FGF14: variants seen among roughly 807,000 people sequenced by gnomAD.
FGF14 encodes the protein fibroblast growth factor homologous factor 4.
Under a neutral mutation model 25.5 loss-of-function variants are expected in FGF14, and 5 were observed. The observed-to-expected ratio is 0.20, with a 90% CI of 0.10 to 0.41. The LOEUF is 0.41. Among genes scored for constraint, FGF14 ranks in the 10% least tolerant of loss-of-function variants. FGF14 has a pLI of 1.00. For missense variants in FGF14, 222 were observed against 320.1 expected, an observed-to-expected ratio of 0.69 and a Z score of 2.34; for synonymous variants, 138 against 118.3, an observed-to-expected ratio of 1.17 and a Z score of -1.08.
chr13:102,226,355 G>C (rs2050824606), intron 1 of FGF14, among the ~76,000 whole-genome samples: 1 of 152,246 alleles, frequency 6.6e-6, no homozygotes, highest in East Asian at 1.9e-4. Flanking sequence ...CAGGAACAAA[G>C]AAAGAGCTCC....
At chr13:102,173,122 C>A (rs1270627135) in intron 1 of FGF14, among the ~76,000 whole-genome samples, 1 of 152,076 alleles carries the variant, frequency 6.6e-6, no homozygotes, top group Non-Finnish European at 1.5e-5. Context: ...ATATTAACAA[C>A]TTCTACAATT....
intron 1 of FGF14, among the ~76,000 whole-genome samples, chr13:102,108,228 C>A (rs1488237329): frequency 6.6e-6 from 1 of 152,124 alleles, no homozygotes; most frequent in Non-Finnish European, 1.5e-5. Flanking sequence ...AAAATCAGTA[C>A]AATTTTTAAA....
intron 1 of FGF14, among the ~76,000 whole-genome samples, chr13:101,947,777 ATCAT>A (rs1447246200): frequency 6.6e-6 from 1 of 152,214 alleles, no homozygotes; most frequent in Non-Finnish European, 1.5e-5. Flanking sequence ...AAACCTCAGC[ATCAT>A]TCAATGTACT....
chr13:101,980,881 A>G (rs2038206739), intron 1 of FGF14, among the ~76,000 whole-genome samples: 1 of 152,180 alleles, frequency 6.6e-6, no homozygotes, highest in Non-Finnish European at 1.5e-5. Flanking sequence ...CCAATGTGAT[A>G]GTATTAGGAG....
chr13:102,293,773 A>G (rs1165592680), intron 1 of FGF14: 1 of 152,218 alleles, frequency 6.6e-6, no homozygotes, highest in Non-Finnish European at 1.5e-5. Context: ...CTGTATAATA[A>G]GCAAAGAAGA....
chr13:102,096,582 G>T (rs961322423), intron 1 of FGF14, among the ~76,000 whole-genome samples: 4 of 152,154 alleles, frequency 2.6e-5, no homozygotes, highest in African/African-American at 9.7e-5. Flanking sequence ...TAACAACCAA[G>T]AAAGGCGATT....
At chr13:101,967,350 T>C (rs1008600197) in intron 1 of FGF14, among the ~76,000 whole-genome samples, 6 of 152,266 alleles carry the variant, frequency 3.9e-5, no homozygotes, top group African/African-American at 1.4e-4. Context: ...CTATGTTTAC[T>C]TGACTGTTTT....
rs191953314 is a variant in FGF14, at chr13:101,934,357, A to G, written c.209-59061T>C. On this transcript the variant is annotated intron_variant, in intron 1 of 4. Transcript: ENST00000376131. ...CATTATGTTGAGCAGTTAAGAAGCC[A>G]GACACAAAAGAGCACAATCGTGATT... Among the ~76,000 whole-genome samples, 475 of 152,352 alleles carry G rather than the reference A, an allele frequency of 3.1e-3. 2 individuals are homozygous for G. Among genetic ancestry groups the G allele is most frequent in the African/African-American group, 0.011 (439 of 41,584 alleles).
At chr13:101,852,642 A>T (rs775908835) in intron 3 of FGF14, among the ~76,000 whole-genome samples, 12 of 152,150 alleles carry the variant, frequency 7.9e-5, no homozygotes, top group Non-Finnish European at 1.6e-4. Context: ...CAGGACAGAA[A>T]ATCAGGACTC....
chr13:101,792,999 GACATTTTCTTGCAACAAAA>G (rs1269328082), intron 3 of FGF14, among the ~76,000 whole-genome samples: 6 of 151,942 alleles, frequency 3.9e-5, no homozygotes, highest in Non-Finnish European at 7.4e-5. Context: ...TCAAATATTT[GACATTTTCTTGCAACAAAA>G]ACATTTCAGA....
chr13:102,363,417 A>C (rs2139051604), intron 1 of FGF14, among the ~76,000 whole-genome samples: 1 of 152,324 alleles, frequency 6.6e-6, no homozygotes, highest in Middle Eastern at 3.4e-3. Flanking sequence ...CACATGGTCA[A>C]CTGGGAAATC....
chr13:101,834,122 G>C (rs1465738757), intron 3 of FGF14, among the ~76,000 whole-genome samples: 1 of 152,056 alleles, frequency 6.6e-6, no homozygotes, highest in Non-Finnish European at 1.5e-5. Flanking sequence ...TGTAGAACTT[G>C]AACTGAAATG....
chr13:101,910,838 G>A (rs1343998650), intron 1 of FGF14, among the ~76,000 whole-genome samples: 1 of 1,160 alleles, frequency 8.6e-4, no homozygotes, highest in Non-Finnish European at 1.4e-3. Flanking sequence ...ATTTGGATTC[G>A]TGTGTGTGTG....
intron 1 of FGF14, among the ~76,000 whole-genome samples, chr13:101,934,225 T>A (rs1471026138): frequency 6.6e-6 from 1 of 152,230 alleles, no homozygotes; most frequent in Non-Finnish European, 1.5e-5. Flanking sequence ...CCAAATGTCA[T>A]CTGTAGAATG....
intron 1 of FGF14, among the ~76,000 whole-genome samples, chr13:102,242,982 G>A (rs2051678297): frequency 6.6e-6 from 1 of 152,012 alleles, no homozygotes; most frequent in South Asian, 2.1e-4. Context: ...TCTTATCAAT[G>A]GAAGTGAGTA....
chr13:101,785,596 C>A (rs941892677), intron 3 of FGF14, among the ~76,000 whole-genome samples: 2 of 152,066 alleles, frequency 1.3e-5, no homozygotes, highest in Admixed American at 1.3e-4. Flanking sequence ...CATTATCTGT[C>A]TATCACCTAT....
chr13:102,099,595 A>T (rs2044565131), intron 1 of FGF14, among the ~76,000 whole-genome samples: 1 of 152,130 alleles, frequency 6.6e-6, no homozygotes, highest in African/African-American at 2.4e-5. Flanking sequence ...AAAGGCTCAA[A>T]GTCATATAAT....
At chr13:102,396,708 A>C (rs1175284186) in intron 1 of FGF14, among the ~76,000 whole-genome samples, 1 of 152,264 alleles carries the variant, frequency 6.6e-6, no homozygotes, top group Non-Finnish European at 1.5e-5. Flanking sequence ...CAAGTTGTAC[A>C]GCCAAAGTCA....
At chr13:102,063,137 A>C (rs2042757969) in intron 1 of FGF14, among the ~76,000 whole-genome samples, 1 of 152,202 alleles carries the variant, frequency 6.6e-6, no homozygotes. Flanking sequence ...TTGTATTCAC[A>C]TAATATTATT....
Sources: allele counts gnomAD v4.1 joint callset (sites outside exome capture counted in the v4.1 genomes callset), GRCh38; gene constraint gnomAD v4.1.1; transcripts MANE v1.5; gene names NCBI Gene and HGNC (gene_info 2026-07-23, HGNC 2026-07-21).